Variants in SNAPC3 observed in about 807,000 individuals in gnomAD.
SNAPC3 encodes small nuclear RNA activating complex polypeptide 3, also known as snRNA-activating protein complex subunit 3.
Under a neutral mutation model 47.7 loss-of-function variants are expected in SNAPC3, and 56 were observed. The observed-to-expected ratio is 1.18, with a 90% CI of 0.95 to 1.47. The LOEUF (loss-of-function observed/expected upper bound fraction) is 1.47, where lower values mean the gene tolerates loss of function less well. Among genes scored for constraint, SNAPC3 ranks in the 40% most tolerant of loss-of-function variants. SNAPC3 has a pLI of 0.00. For missense variants in SNAPC3, 665 were observed against 511.3 expected, an observed-to-expected ratio of 1.30 and a Z score of -2.90; for synonymous variants, 235 against 189.9, an observed-to-expected ratio of 1.24 and a Z score of -1.95.
chr9:15,442,202 C>T (rs1268522220), intron 3 of SNAPC3, among the ~76,000 whole-genome samples: 1 of 145,518 alleles, frequency 6.9e-6, no homozygotes, highest in Non-Finnish European at 1.5e-5. Flanking sequence ...CGGGCGGGGG[C>T]TGCCCCCCAC....
downstream of SNAPC3, chr9:15,462,126 AATT>A (rs2035265306): frequency 6.6e-6 from 1 of 152,250 alleles, no homozygotes; most frequent in Non-Finnish European, 1.5e-5. Context: ...TCAAAAAGTT[AATT>A]ATTGTCATAA....
intron 2 of SNAPC3, among the ~76,000 whole-genome samples, chr9:15,425,657 C>G (rs1015973058): frequency 1.2e-4 from 18 of 152,218 alleles, no homozygotes; most frequent in African/African-American, 4.3e-4. Context: ...AGTCCAAACT[C>G]CCATCTGTGT....
intron 5 of SNAPC3, among the ~76,000 whole-genome samples, chr9:15,447,716 T>A (rs76344837): frequency 0.011 from 1,646 of 152,252 alleles, 29 homozygotes; most frequent in African/African-American, 0.037. Context: ...GTCAGAGTTG[T>A]GATCTGTCAT....
chr9:15,465,523 G>C (rs2035560487), downstream of SNAPC3: 1 of 1,557,402 alleles, frequency 6.4e-7, no homozygotes, highest in Non-Finnish European at 8.8e-7. Context: ...TGTCAACCTA[G>C]TTATCTAGTG....
intron 3 of SNAPC3, among the ~76,000 whole-genome samples, chr9:15,438,875 C>T (rs888164207): frequency 1.3e-5 from 2 of 151,918 alleles, no homozygotes; most frequent in African/African-American, 4.8e-5. Flanking sequence ...TCTCGTTGTT[C>T]AAGTCTCCTG....
At chr9:15,430,788 A>G (rs2032040783) in intron 2 of SNAPC3, among the ~76,000 whole-genome samples, 1 of 152,202 alleles carries the variant, frequency 6.6e-6, no homozygotes, top group Non-Finnish European at 1.5e-5. Flanking sequence ...TTTTGCAGCT[A>G]GAATAAAGGA....
intron 2 of SNAPC3, among the ~76,000 whole-genome samples, chr9:15,428,366 G>A (rs991476697): frequency 2.6e-5 from 4 of 151,848 alleles, no homozygotes; most frequent in African/African-American, 7.3e-5. Flanking sequence ...AAGTCTAGCC[G>A]GTCGTGGTGG....
rs768685398 is a variant in SNAPC3, at chr9:15,433,545, A to G, written c.393-7A>G. On this transcript the variant is annotated splice_polypyrimidine_tract_variant and splice_region_variant and intron_variant, in intron 2 of 8. Transcript: ENST00000380821. The stretch of plus-strand genomic sequence containing the variant: ...TGATTTTTTTTTTTCTTTTACATCT[A>G]CAACAGGGTTAGAAAAAGGTTCTTG... The G allele has an allele frequency of 1.9e-6, 3 of 1,561,474 alleles. No homozygotes were observed. The highest frequency in any genetic ancestry group is 2.6e-6 in the Non-Finnish European group (3 of 1,142,488).
intron 5 of SNAPC3, among the ~76,000 whole-genome samples, chr9:15,447,483 C>G (rs561293421): frequency 1.1e-4 from 16 of 151,642 alleles, no homozygotes; most frequent in African/African-American, 3.9e-4. Context: ...ACTTTTCCTT[C>G]TGGGCTAATA....
In SNAPC3 at chr9:15,424,730, G is replaced by A. The variant is rs2031114740; in HGVS notation, c.392+744G>A. Among the ~76,000 whole-genome samples the A allele has an allele frequency of 6.6e-5, 10 of 152,290 alleles. No homozygotes were observed. The South Asian group carries it at 1.9e-3, about 28-fold the overall frequency. ...ATGATAATATAGAGAAATTGTGCAT[G>A]TAATAGTGAAATTTATAATTTCCAA... On this transcript the variant is annotated intron_variant, in intron 2 of 8. Transcript: ENST00000380821.
intron 7 of SNAPC3, among the ~76,000 whole-genome samples, chr9:15,455,405 A>T (rs1427202109): frequency 6.6e-6 from 1 of 152,096 alleles, no homozygotes; most frequent in Non-Finnish European, 1.5e-5. Flanking sequence ...TGTCTCTACT[A>T]AAAATACAAA....
intron 8 of SNAPC3, among the ~76,000 whole-genome samples, chr9:15,458,655 T>G (rs980879577): frequency 6.6e-6 from 1 of 152,026 alleles, no homozygotes; most frequent in Non-Finnish European, 1.5e-5. Flanking sequence ...TTTCTTACTG[T>G]GGGTCAGTAA....
At chr9:15,445,347 C>CT (rs2033844688) in intron 4 of SNAPC3, among the ~76,000 whole-genome samples, 1 of 152,094 alleles carries the variant, frequency 6.6e-6, no homozygotes, top group Admixed American at 6.5e-5. Context: ...GAATAGGTGG[C>CT]TAATGGAGGA....
At chr9:15,449,281 T>A (rs531275770) in intron 5 of SNAPC3, among the ~76,000 whole-genome samples, 47 of 152,164 alleles carry the variant, frequency 3.1e-4, no homozygotes, top group African/African-American at 1.0e-3. Context: ...TTGAGTCAGA[T>A]CTGGGAATCG....
chr9:15,434,580 G>C (rs1205489782), intron 3 of SNAPC3, among the ~76,000 whole-genome samples: 1 of 151,860 alleles, frequency 6.6e-6, no homozygotes. Context: ...GCTCATTTTT[G>C]TATTTTTAGT....
downstream of SNAPC3, chr9:15,465,512 A>C: frequency 6.5e-7 from 1 of 1,537,718 alleles, no homozygotes; most frequent in Non-Finnish European, 8.9e-7. Flanking sequence ...TATTCCAGGT[A>C]TGTCAACCTA....
chr9:15,465,265 C>T (rs1323305325), downstream of SNAPC3: 1 of 410,050 alleles, frequency 2.4e-6, no homozygotes, highest in South Asian at 5.0e-5. Context: ...ATGCTACAAC[C>T]ATGTCTGGAA....
At chr9:15,437,304 C>G (rs1437391644) in intron 3 of SNAPC3, among the ~76,000 whole-genome samples, 6 of 151,830 alleles carry the variant, frequency 4.0e-5, no homozygotes. Flanking sequence ...ACAATCTTGG[C>G]TCACTGCAAC....
intron 2 of SNAPC3, among the ~76,000 whole-genome samples, chr9:15,432,833 A>G (rs1222567023): frequency 1.3e-5 from 2 of 152,268 alleles, no homozygotes. Flanking sequence ...TGTTGCAGAC[A>G]TAATCTATCA....
Sources: allele counts gnomAD v4.1 joint callset (sites outside exome capture counted in the v4.1 genomes callset), GRCh38; gene constraint gnomAD v4.1.1; transcripts MANE v1.5; gene names NCBI Gene and HGNC (gene_info 2026-07-23, HGNC 2026-07-21).